SOX6: variants seen among roughly 807,000 people sequenced by gnomAD.
SOX6 encodes the protein SRY-box transcription factor 6, also known as transcription factor SOX-6.
A neutral mutation model predicts 97.8 loss-of-function variants in SOX6; 11 were observed. The ratio of observed to expected loss-of-function variants is 0.11; its 90% CI spans 0.07 to 0.19. The LOEUF (loss-of-function observed/expected upper bound fraction) is 0.19. SOX6 is among the 10% of genes least tolerant of loss of function. SOX6 has a pLI of 1.00. For synonymous variants in SOX6, 360 were observed against 371.4 expected (o/e 0.97, Z 0.35); for missense variants, 810 against 1,039.5 (o/e 0.78, Z 3.04).
chr11:16,550,800 A>T (rs891276677), intron 4 of SOX6, among the ~76,000 whole-genome samples: 1 of 152,218 alleles, frequency 6.6e-6, no homozygotes, highest in Non-Finnish European at 1.5e-5. Flanking sequence ...GATGTTAAAG[A>T]TATTTATTGT....
intron 1 of SOX6, among the ~76,000 whole-genome samples, chr11:16,350,265 T>C (rs532247155): frequency 6.6e-6 from 1 of 152,296 alleles, no homozygotes; most frequent in African/African-American, 2.4e-5. Context: ...GATGAAGACA[T>C]TGGTTGAACA....
chr11:15,988,950 G>A (rs755643533), intron 14 of SOX6, 47 bp downstream of exon 14: 1 of 1,559,266 alleles, frequency 6.4e-7, no homozygotes, highest in South Asian at 1.1e-5. Context: ...GGCACTCATG[G>A]GATTTGCAGG....
chr11:16,304,044 T>C (rs936090527), intron 3 of SOX6, among the ~76,000 whole-genome samples: 3 of 151,914 alleles, frequency 2.0e-5, no homozygotes, highest in Non-Finnish European at 4.4e-5. Context: ...GCCTCTTGAG[T>C]AGCTGGGATT....
At chr11:16,509,430 T>TAAAAATTTACATTTCCCTC (rs1860843869) in intron 4 of SOX6, among the ~76,000 whole-genome samples, 1 of 152,070 alleles carries the variant, frequency 6.6e-6, no homozygotes, top group African/African-American at 2.4e-5. Context: ...TCAGTACAAC[T>TAAAAATTTACATTTCCCTC]GACTAAATCT....
intron 3 of SOX6, among the ~76,000 whole-genome samples, chr11:16,614,174 G>C (rs1312469702): frequency 1.3e-5 from 2 of 152,192 alleles, no homozygotes; most frequent in South Asian, 4.1e-4. Flanking sequence ...GGCAGAGGGT[G>C]GGGGCAGCTT....
chr11:16,509,637 G>A (rs1439874971), intron 4 of SOX6, among the ~76,000 whole-genome samples: 3 of 151,988 alleles, frequency 2.0e-5, no homozygotes, highest in East Asian at 1.9e-4. Context: ...ACAGGAGAAC[G>A]AGTCATGATT....
intron 3 of SOX6, among the ~76,000 whole-genome samples, chr11:16,648,504 G>A (rs1849047087): frequency 6.6e-6 from 1 of 152,142 alleles, no homozygotes; most frequent in Non-Finnish European, 1.5e-5. Flanking sequence ...GGCAAGCTTA[G>A]AGCCCCCTAC....
At chr11:16,513,848 C>T (rs1333305403) in intron 4 of SOX6, among the ~76,000 whole-genome samples, 1 of 152,084 alleles carries the variant, frequency 6.6e-6, no homozygotes. Context: ...AAAGATGAGA[C>T]TCAAATCCAA....
At chr11:16,119,772 A>T (rs1014235754) in intron 6 of SOX6, among the ~76,000 whole-genome samples, 25 of 152,182 alleles carry the variant, frequency 1.6e-4, no homozygotes, top group African/African-American at 6.0e-4. Context: ...GAGAACTTAA[A>T]ACTGACTTTT....
At chr11:16,590,568 G>T (rs1848138303) in intron 4 of SOX6, among the ~76,000 whole-genome samples, 1 of 152,040 alleles carries the variant, frequency 6.6e-6, no homozygotes, top group South Asian at 2.1e-4. Context: ...TAAGATAAAT[G>T]GATAAAGAAA....
At chr11:16,681,351 G>C (rs908406290) in intron 3 of SOX6, among the ~76,000 whole-genome samples, 28 of 152,178 alleles carry the variant, frequency 1.8e-4, no homozygotes, top group African/African-American at 6.5e-4. Context: ...ACGTGCTTCT[G>C]AATGACTACT....
chr11:16,366,820 T>C (rs1259237451), intron 1 of SOX6, among the ~76,000 whole-genome samples: 1 of 152,168 alleles, frequency 6.6e-6, no homozygotes, highest in Non-Finnish European at 1.5e-5. Context: ...GATAAATTTG[T>C]AACCCAAATA....
At chr11:16,668,108 T>C (rs1564864216) in intron 3 of SOX6, among the ~76,000 whole-genome samples, 1 of 152,180 alleles carries the variant, frequency 6.6e-6, no homozygotes, top group Non-Finnish European at 1.5e-5. Flanking sequence ...GCGTGGTGGC[T>C]CACGTCTGTA....
At chr11:16,689,877 A>T (rs1847999176) in intron 3 of SOX6, among the ~76,000 whole-genome samples, 2 of 151,090 alleles carry the variant, frequency 1.3e-5, no homozygotes, top group South Asian at 4.2e-4. Flanking sequence ...CATCTCTGAA[A>T]TTTAAGATTT....
Position 16,340,082 on chromosome 11 carries a change from T to A in SOX6, c.237+930A>T, listed in dbSNP as rs192121778. 9.9e-5 allele frequency among the ~76,000 whole-genome samples: 15 copies of A among 152,210 alleles called. 1 individual carries two copies. In the Middle Eastern group the frequency reaches 0.024, roughly 242 times the overall value. ...ATGTCTGCCTTCATAAATTATTGAA[T>A]TAAGTCTCTGAGACATTAAGCATCA... On this transcript the variant is annotated intron_variant, in intron 2 of 15. Coordinates refer to ENST00000683767, the MANE Select transcript of SOX6 (RefSeq NM_001367873.1).
intron 3 of SOX6, among the ~76,000 whole-genome samples, chr11:16,271,475 T>C (rs1854256713): frequency 1.3e-5 from 2 of 151,490 alleles, no homozygotes; most frequent in Non-Finnish European, 3.0e-5. Flanking sequence ...AGCATTCTCC[T>C]GTAAAACTTT....
At chr11:16,220,117 T>C (rs1852494716) in intron 4 of SOX6, among the ~76,000 whole-genome samples, 1 of 152,064 alleles carries the variant, frequency 6.6e-6, no homozygotes, top group African/African-American at 2.4e-5. Flanking sequence ...ATTGTAACTT[T>C]TAAAATAAAT....
chr11:16,625,313 T>C (rs1848608730), intron 3 of SOX6, among the ~76,000 whole-genome samples: 1 of 132,274 alleles, frequency 7.6e-6, no homozygotes, highest in African/African-American at 2.5e-5. Flanking sequence ...TAGCCATCTT[T>C]AATTAATTTT....
At chr11:16,465,681 C>T (rs757074560) in intron 1 of SOX6, 1 of 152,110 alleles carries the variant, frequency 6.6e-6, no homozygotes, top group Non-Finnish European at 1.5e-5. Context: ...AAGGGAAAAA[C>T]AATTAACTGT....
Sources: gnomAD v4.1 joint callset for allele counts (sites outside exome capture counted in the v4.1 genomes callset) on GRCh38, gnomAD v4.1.1 for gene constraint, MANE v1.5 for transcripts, NCBI Gene and HGNC (gene_info 2026-07-23, HGNC 2026-07-21) for gene names.